SLC30A8: variants seen among roughly 807,000 people sequenced by gnomAD.
The protein encoded by SLC30A8 is solute carrier family 30 member 8.
A neutral mutation model predicts 36.9 loss-of-function variants in SLC30A8; 27 were observed. That is an observed-to-expected ratio of 0.73 (90% CI 0.54 to 1.01). SLC30A8 has a LOEUF of 1.01. SLC30A8 is among the 50% of genes least tolerant of loss of function. The probability of loss-of-function intolerance (pLI) is 0.00; values close to 1 mark genes in which losing one functional copy is unlikely to be tolerated. For synonymous variants in SLC30A8, 164 were observed against 172.4 expected, an observed-to-expected ratio of 0.95 and a Z score of 0.38; for missense variants, 439 against 452.0, an observed-to-expected ratio of 0.97 and a Z score of 0.26.
At chr8:117,124,964 A>G (rs7816424) in intron 2 of SLC30A8, among the ~76,000 whole-genome samples, 1 of 151,994 alleles carries the variant, frequency 6.6e-6, no homozygotes, top group Admixed American at 6.6e-5. Context: ...AGATTATTAC[A>G]TACATAGCAT....
intron 1 of SLC30A8, among the ~76,000 whole-genome samples, chr8:116,977,414 A>G (rs1815084636): frequency 1.3e-5 from 2 of 149,452 alleles, no homozygotes; most frequent in South Asian, 4.3e-4. Flanking sequence ...CCACCTCCCA[A>G]AGTATTGGGA....
intron 2 of SLC30A8, among the ~76,000 whole-genome samples, chr8:117,083,965 T>C (rs941467634): frequency 5.9e-5 from 9 of 152,146 alleles, no homozygotes; most frequent in Non-Finnish European, 1.0e-4. Context: ...ACTTTCAAGA[T>C]AGCCCTACTG....
intron 1 of SLC30A8, chr8:117,017,940 A>G (rs1024116775): frequency 6.6e-6 from 1 of 152,274 alleles, no homozygotes; most frequent in Non-Finnish European, 1.5e-5. Context: ...TTGAAAAGTT[A>G]GTAGAGCTGG....
chr8:117,153,725 T>TGG (rs919128774), intron 3 of SLC30A8, among the ~76,000 whole-genome samples: 12 of 144,334 alleles, frequency 8.3e-5, no homozygotes, highest in African/African-American at 2.3e-4. Context: ...TGATAAGGGG[T>TGG]GTGTGTGTGT....
chr8:117,088,481 A>T (rs1257589840), intron 2 of SLC30A8, among the ~76,000 whole-genome samples: 1 of 152,106 alleles, frequency 6.6e-6, no homozygotes, highest in Non-Finnish European at 1.5e-5. Context: ...GAGAGCTGCT[A>T]CTTCGTAAGT....
chr8:117,149,009 A>G (rs1372354883), intron 2 of SLC30A8, among the ~76,000 whole-genome samples: 1 of 152,138 alleles, frequency 6.6e-6, no homozygotes, highest in Non-Finnish European at 1.5e-5. Context: ...TGTGCAGAAA[A>G]CATATTTCCC....
intron 7 of SLC30A8, 22 bp downstream of exon 7, chr8:117,171,190 C>G: frequency 6.2e-7 from 1 of 1,612,718 alleles, no homozygotes. Context: ...TTGTAAACAC[C>G]CTGGAAAAAA....
At chr8:117,149,017 C>T (rs950897698) in intron 2 of SLC30A8, among the ~76,000 whole-genome samples, 1 of 152,178 alleles carries the variant, frequency 6.6e-6, no homozygotes, top group Non-Finnish European at 1.5e-5. Flanking sequence ...AAACATATTT[C>T]CCCTCATTTC....
chr8:117,111,617 G>C (rs947749211), intron 2 of SLC30A8, among the ~76,000 whole-genome samples: 7 of 152,060 alleles, frequency 4.6e-5, no homozygotes, highest in Admixed American at 2.6e-4. Context: ...TGCATTATGG[G>C]ACTTTTTTTT....
At chr8:117,127,820 C>T (rs1820970753) in intron 2 of SLC30A8, among the ~76,000 whole-genome samples, 1 of 151,940 alleles carries the variant, frequency 6.6e-6, no homozygotes, top group Admixed American at 6.6e-5. Context: ...TTTCCTTCCT[C>T]CGTCTTTATT....
intron 4 of SLC30A8, among the ~76,000 whole-genome samples, chr8:117,158,526 C>T (rs1822617500): frequency 6.6e-6 from 1 of 152,188 alleles, no homozygotes; most frequent in Admixed American, 6.5e-5. Flanking sequence ...AAAATTCTTC[C>T]TTATGCTATG....
intron 1 of SLC30A8, among the ~76,000 whole-genome samples, chr8:116,987,127 G>T (rs1184764228): frequency 6.6e-6 from 1 of 152,138 alleles, no homozygotes; most frequent in Non-Finnish European, 1.5e-5. Context: ...AGGGAATCCA[G>T]TGTCTATTCA....
At chr8:117,101,877 A>G (rs940987424) in intron 2 of SLC30A8, among the ~76,000 whole-genome samples, 4 of 152,152 alleles carry the variant, frequency 2.6e-5, no homozygotes, top group African/African-American at 9.7e-5. Flanking sequence ...CAGATGGCCT[A>G]TTGCGGGACC....
At chr8:117,010,348 G>A (rs950817396) in intron 1 of SLC30A8, among the ~76,000 whole-genome samples, 1 of 152,180 alleles carries the variant, frequency 6.6e-6, no homozygotes, top group African/African-American at 2.4e-5. Flanking sequence ...AGCTCCCACA[G>A]TGTCCAGAAC....
chr8:117,168,644 A>G (rs1823190985), intron 6 of SLC30A8, among the ~76,000 whole-genome samples: 1 of 152,132 alleles, frequency 6.6e-6, no homozygotes, highest in African/African-American at 2.4e-5. Flanking sequence ...GATGAAGGAG[A>G]CAAGTGAAAA....
chr8:117,106,366 T>C (rs545198529), intron 2 of SLC30A8, among the ~76,000 whole-genome samples: 3 of 152,354 alleles, frequency 2.0e-5, no homozygotes, highest in Admixed American at 1.3e-4. Flanking sequence ...ACAAAATTCA[T>C]TGTGGTTTTT....
intron 1 of SLC30A8, among the ~76,000 whole-genome samples, chr8:116,976,834 T>TCTTTCTTTCTTTCTTTC (rs1815044867): frequency 2.8e-5 from 4 of 143,084 alleles, no homozygotes; most frequent in African/African-American, 1.2e-4. Context: ...TTTTTTTTTT[T>TCTTTCTTTCTTTCTTTC]TTTTACAGAG....
chr8:117,052,325 T>C (rs1417742288), intron 2 of SLC30A8, among the ~76,000 whole-genome samples: 1 of 152,246 alleles, frequency 6.6e-6, no homozygotes, highest in East Asian at 1.9e-4. Context: ...CTTTATTCTT[T>C]ATAAATTACC....
intron 1 of SLC30A8, among the ~76,000 whole-genome samples, chr8:117,021,965 A>G (rs187010498): frequency 1.3e-5 from 2 of 152,080 alleles, no homozygotes; most frequent in African/African-American, 4.8e-5. Flanking sequence ...TGGGAGAAAA[A>G]AATGAATCTT....
Sources: gnomAD v4.1 joint callset for allele counts (sites outside exome capture counted in the v4.1 genomes callset) on GRCh38, gnomAD v4.1.1 for gene constraint, MANE v1.5 for transcripts, NCBI Gene and HGNC (gene_info 2026-07-23, HGNC 2026-07-21) for gene names.